Variants in COG6 observed in about 807,000 individuals in gnomAD.
COG6 encodes conserved oligomeric Golgi complex subunit 6.
A neutral mutation model predicts 88.8 loss-of-function variants in COG6; 74 were observed. The ratio of observed to expected loss-of-function variants is 0.83; its 90% confidence interval spans 0.69 to 1.01. The LOEUF is 1.01. COG6 is among the 50% of genes least tolerant of loss of function. The pLI is 0.00. For synonymous variants in COG6, 286 were observed against 278.7 expected, an observed-to-expected ratio of 1.03 and a Z score of -0.26; for missense variants, 800 against 797.9, an observed-to-expected ratio of 1.00 and a Z score of -0.03.
chr13:39,659,506 A>G lies in COG6; in HGVS notation c.296A>G (p.Glu99Gly). The G allele has an allele frequency of 6.2e-7, 1 of 1,612,040 alleles. No individual in the cohort carries two copies. Among genetic ancestry groups the G allele is most frequent in the Middle Eastern group, 1.7e-4 (1 of 5,772 alleles). Residue 99 changes from glutamate (E) to glycine (G), a missense_variant and splice_region_variant, in exon 2 of 19, where the codon GAG (glutamate) becomes GGG (glycine). By Grantham distance (98) the Glu-to-Gly change is moderately conservative (BLOSUM62 -2). Transcript: ENST00000455146. ...EFVSIFKEVKEELESISEDVQ... is the reference protein window; with the variant it reads ...EFVSIFKEVKGELESISEDVQ... ...GTAAGCATTTTCAAGGAAGTGAAGG[A>G]GGTATGTAAACTCTTTTCATTTAGC...
chr13:39,744,013 T>C (rs1880196957), intron 18 of COG6, among the ~76,000 whole-genome samples: 1 of 152,098 alleles, frequency 6.6e-6, no homozygotes, highest in African/African-American at 2.4e-5. Context: ...CACATGATTA[T>C]CTCAATAAAC....
intron 18 of COG6, among the ~76,000 whole-genome samples, chr13:39,740,252 T>C (rs1165225230): frequency 6.6e-6 from 1 of 152,192 alleles, no homozygotes; most frequent in East Asian, 1.9e-4. Flanking sequence ...GACTCATACT[T>C]CTGAACATCT....
At chr13:39,677,945 T>C in intron 5 of COG6, 1 of 343,388 alleles carries the variant, frequency 2.9e-6, no homozygotes, top group Non-Finnish European at 5.5e-6. Flanking sequence ...GATTCTCTAT[T>C]GTGAAATGTG....
At chr13:39,733,933 A>T (rs549546286) in intron 18 of COG6, among the ~76,000 whole-genome samples, 42 of 152,248 alleles carry the variant, frequency 2.8e-4, no homozygotes, top group African/African-American at 9.6e-4. Context: ...AGTAGCCTAT[A>T]ATGAGCCTTT....
chr13:39,661,278 G>A (rs1458179503), intron 3 of COG6, among the ~76,000 whole-genome samples: 2 of 152,110 alleles, frequency 1.3e-5, no homozygotes, highest in African/African-American at 2.4e-5. Context: ...AAAATTCTGG[G>A]AAAATATGTA....
intron 18 of COG6, among the ~76,000 whole-genome samples, chr13:39,778,235 A>T (rs895563978): frequency 1.1e-4 from 16 of 152,216 alleles, no homozygotes; most frequent in African/African-American, 3.6e-4. Flanking sequence ...ACCCTAAAGG[A>T]TGCTATAATC....
At chr13:39,791,612 CT>C (rs1259022801) in exon 19 of COG6, 2 of 151,796 alleles carry the variant, frequency 1.3e-5, no homozygotes, top group Non-Finnish European at 2.9e-5. Context: ...ATATACAAAA[CT>C]GCTGAATAAA....
rs564232282 is a variant in COG6, at chr13:39,727,302, G to A, written c.1747-167G>A. Among the ~76,000 whole-genome samples, 7 of 151,728 alleles carry A rather than the reference G, an allele frequency of 4.6e-5. No individual in the cohort carries two copies. In the South Asian group the frequency reaches 1.5e-3, roughly 31 times the overall value. ...ATTACAGATTTGACAGTTTTAGGGAGTTTTAGTTAGAATGTTTAGAAAATA... is the reference window on the plus strand; with the variant it reads ...ATTACAGATTTGACAGTTTTAGGGAATTTTAGTTAGAATGTTTAGAAAATA... On this transcript the variant is annotated intron_variant, in intron 17 of 18. Coordinates refer to ENST00000455146, the MANE Select transcript of COG6 (RefSeq NM_020751.3).
intron 18 of COG6, among the ~76,000 whole-genome samples, chr13:39,750,275 G>A (rs1269690443): frequency 6.6e-6 from 1 of 152,164 alleles, no homozygotes. Context: ...TTAATGTCAT[G>A]GAACTATGCA....
At chr13:39,674,058 T>C (rs1213921382) in intron 4 of COG6, among the ~76,000 whole-genome samples, 6 of 152,060 alleles carry the variant, frequency 3.9e-5, no homozygotes, top group Non-Finnish European at 7.4e-5. Context: ...TTTATTTTTA[T>C]TTTTAATTTT....
intron 18 of COG6, among the ~76,000 whole-genome samples, chr13:39,781,560 G>A (rs1881632191): frequency 6.6e-6 from 1 of 151,576 alleles, no homozygotes; most frequent in Non-Finnish European, 1.5e-5. Flanking sequence ...TTGACACAAT[G>A]CAGGCTTTCA....
intron 18 of COG6, among the ~76,000 whole-genome samples, chr13:39,777,866 T>C (rs946911938): frequency 3.9e-5 from 6 of 152,160 alleles, no homozygotes; most frequent in Admixed American, 2.0e-4. Context: ...CTGACAGCAG[T>C]CTAACAGTTT....
intron 1 of COG6, chr13:39,656,982 A>C (rs191049638): frequency 2.3e-6 from 1 of 428,644 alleles, no homozygotes; most frequent in African/African-American, 2.1e-5. Context: ...TGTGTCTCAT[A>C]TTGATATTTA....
chr13:39,685,835 G>A (rs1876603980), intron 8 of COG6, among the ~76,000 whole-genome samples: 1 of 150,310 alleles, frequency 6.7e-6, no homozygotes, highest in African/African-American at 2.4e-5. Context: ...ATGCAATTTA[G>A]CAAAACTTAG....
chr13:39,699,737 C>G (rs1877470790), intron 13 of COG6, 119 bp downstream of exon 13: 1 of 652,758 alleles, frequency 1.5e-6, no homozygotes, highest in Non-Finnish European at 2.8e-6. Context: ...TTGAGTTCTT[C>G]CTGTCACCAA....
chr13:39,669,528 T>C (rs1300174841), intron 4 of COG6, among the ~76,000 whole-genome samples: 1 of 152,234 alleles, frequency 6.6e-6, no homozygotes, highest in Non-Finnish European at 1.5e-5. Flanking sequence ...CAATTTCTTA[T>C]TCTCCTTTTT....
chr13:39,759,924 A>G lies in COG6; in HGVS notation c.1827-28411A>G, dbSNP rs946171650. 2.6e-5 allele frequency among the ~76,000 whole-genome samples: 4 copies of G among 152,196 alleles called. No homozygotes were observed. The South Asian group carries it at 8.3e-4, about 31-fold the overall frequency. On this transcript the variant is annotated intron_variant, in intron 18 of 18. Coordinates refer to the COG6 transcript ENST00000416691. ...TGTTATACTTGCTTGCTTTGAGGGT[A>G]TATAGCATCTTTTGGCAAAGTGTTA... is the stretch of plus-strand genomic sequence containing the variant.
chr13:39,745,836 A>T (rs1458125171), intron 18 of COG6, among the ~76,000 whole-genome samples: 1 of 152,208 alleles, frequency 6.6e-6, no homozygotes, highest in Non-Finnish European at 1.5e-5. Flanking sequence ...ACCAACCCAA[A>T]TGTCCATCAA....
chr13:39,679,958 C>G lies in COG6; in HGVS notation c.624-17C>G. On this transcript the variant is annotated splice_polypyrimidine_tract_variant and intron_variant, in intron 6 of 18. Coordinates refer to ENST00000455146, the MANE Select transcript of COG6 (RefSeq NM_020751.3). ...TGTTGACTAAAGTTTAAATTATAAT[C>G]ATTAATTTTTTTTTAGTTTAGAAAT... 1 of 1,332,140 alleles carries G rather than the reference C, an allele frequency of 7.5e-7. No homozygotes were observed. Among genetic ancestry groups the G allele is most frequent in the Middle Eastern group, 1.9e-4 (1 of 5,366 alleles). The allele number at this position is 1,332,140 out of a possible 1,614,324, so 82.5% of individuals were successfully genotyped here.
Sources: gnomAD v4.1 joint callset for allele counts (sites outside exome capture counted in the v4.1 genomes callset) on GRCh38, gnomAD v4.1.1 for gene constraint, MANE v1.5 for transcripts, NCBI Gene and HGNC (gene_info 2026-07-23, HGNC 2026-07-21) for gene names.